Variants in NPAS3 observed in about 807,000 individuals in gnomAD.
NPAS3 encodes the protein neuronal PAS domain protein 3, also known as neuronal PAS domain-containing protein 3.
NPAS3 carries 14 observed loss-of-function variants against 73.1 expected under a neutral mutation model. That is an observed-to-expected ratio of 0.19 (90% CI 0.13 to 0.30). The LOEUF is 0.30. Ranked by LOEUF, NPAS3 falls within the 10% of genes least tolerant of loss-of-function variation. The probability of loss-of-function intolerance (pLI) is 1.00; values close to 1 mark genes in which losing one functional copy is unlikely to be tolerated. For missense variants in NPAS3, 1,096 were observed against 1,250.0 expected, an observed-to-expected ratio of 0.88 and a Z score of 1.86; for synonymous variants, 620 against 541.5, an observed-to-expected ratio of 1.14 and a Z score of -2.01.
chr14:33,007,370 C>A (rs1365395115), intron 1 of NPAS3, among the ~76,000 whole-genome samples: 1 of 152,172 alleles, frequency 6.6e-6, no homozygotes, highest in African/African-American at 2.4e-5. Flanking sequence ...GGAGGTACAT[C>A]ATTTTCTAAA....
intron 4 of NPAS3, among the ~76,000 whole-genome samples, 200 bp downstream of exon 4, chr14:33,367,468 G>C (rs1162489214): frequency 6.6e-6 from 1 of 152,114 alleles, no homozygotes; most frequent in Non-Finnish European, 1.5e-5. Flanking sequence ...ATGAGAAAGG[G>C]AGGGCAAGTA....
chr14:32,981,702 C>T (rs962155139), intron 1 of NPAS3, among the ~76,000 whole-genome samples: 5 of 152,118 alleles, frequency 3.3e-5, no homozygotes, highest in African/African-American at 9.7e-5. Context: ...AGATGTGTCT[C>T]GAGTTTTCTT....
At chr14:33,173,845 G>A (rs1479583889) in intron 2 of NPAS3, among the ~76,000 whole-genome samples, 1 of 152,106 alleles carries the variant, frequency 6.6e-6, no homozygotes, top group Non-Finnish European at 1.5e-5. Flanking sequence ...ATAATTAACA[G>A]GAAATGTTTC....
intron 2 of NPAS3, among the ~76,000 whole-genome samples, chr14:33,194,403 C>G (rs1172266636): frequency 6.6e-6 from 1 of 152,132 alleles, no homozygotes; most frequent in Admixed American, 6.5e-5. Context: ...CGAAATATTA[C>G]TCACTAACAA....
chr14:33,397,203 G>C (rs1188104602), intron 4 of NPAS3, among the ~76,000 whole-genome samples: 1 of 152,108 alleles, frequency 6.6e-6, no homozygotes, highest in Non-Finnish European at 1.5e-5. Context: ...TTGGTTCTCT[G>C]TCTCTTAACT....
intron 3 of NPAS3, among the ~76,000 whole-genome samples, chr14:33,232,669 C>T (rs1335868773): frequency 1.3e-5 from 2 of 152,138 alleles, no homozygotes; most frequent in Non-Finnish European, 2.9e-5. Context: ...CCTTAGCTTT[C>T]GTCTACTTCT....
At chr14:33,413,809 C>A (rs1220319707) in intron 4 of NPAS3, among the ~76,000 whole-genome samples, 1 of 152,128 alleles carries the variant, frequency 6.6e-6, no homozygotes, top group Non-Finnish European at 1.5e-5. Flanking sequence ...CTACCCTCAG[C>A]TACTTGATTG....
intron 4 of NPAS3, among the ~76,000 whole-genome samples, chr14:33,384,902 C>G (rs1263811782): frequency 6.6e-6 from 1 of 152,030 alleles, no homozygotes; most frequent in African/African-American, 2.4e-5. Context: ...CAGTTCTTTA[C>G]CAGGGAAGCC....
chr14:33,132,700 T>C (rs934025218), intron 2 of NPAS3, among the ~76,000 whole-genome samples: 6 of 152,222 alleles, frequency 3.9e-5, no homozygotes, highest in Middle Eastern at 3.4e-3. Context: ...AAATGTCTTG[T>C]GCCACAGAAA....
intron 4 of NPAS3, among the ~76,000 whole-genome samples, chr14:33,495,170 A>C (rs2052110482): frequency 6.6e-6 from 1 of 151,976 alleles, no homozygotes; most frequent in Non-Finnish European, 1.5e-5. Flanking sequence ...ATTCTGGTAC[A>C]TTGTGTCTTT....
intron 2 of NPAS3, among the ~76,000 whole-genome samples, chr14:33,095,772 C>T (rs1338436786): frequency 6.7e-6 from 1 of 150,300 alleles, no homozygotes; most frequent in Non-Finnish European, 1.5e-5. Context: ...GGGTTCACGC[C>T]ATTCTCCTGC....
intron 5 of NPAS3, among the ~76,000 whole-genome samples, chr14:33,657,757 C>G (rs1193357069): frequency 6.6e-6 from 1 of 151,122 alleles, no homozygotes; most frequent in Non-Finnish European, 1.5e-5. Context: ...TAAAATTGTT[C>G]AAATACACAG....
At chr14:33,223,802 C>T (rs1201705628) in intron 3 of NPAS3, among the ~76,000 whole-genome samples, 1 of 151,330 alleles carries the variant, frequency 6.6e-6, no homozygotes, top group African/African-American at 2.4e-5. Context: ...ATGGAGGTAC[C>T]ATATCTCCCT....
intron 2 of NPAS3, among the ~76,000 whole-genome samples, chr14:33,185,759 G>A (rs533844112): frequency 2.0e-5 from 3 of 152,218 alleles, no homozygotes; most frequent in South Asian, 2.1e-4. Context: ...AGAGCCACTC[G>A]GGAACTGAAG....
At chr14:33,540,558 A>T (rs1180368326) in intron 4 of NPAS3, among the ~76,000 whole-genome samples, 4 of 152,216 alleles carry the variant, frequency 2.6e-5, no homozygotes, top group African/African-American at 9.6e-5. Flanking sequence ...CTACAACAAG[A>T]CATACTTTTG....
intron 5 of NPAS3, among the ~76,000 whole-genome samples, chr14:33,594,297 T>G (rs1442347377): frequency 6.6e-6 from 1 of 152,200 alleles, no homozygotes; most frequent in Non-Finnish European, 1.5e-5. Flanking sequence ...GTTGTTGTAT[T>G]GCTATTTTAA....
At chr14:33,571,510 C>T (rs1000113693) in intron 5 of NPAS3, among the ~76,000 whole-genome samples, 2 of 152,090 alleles carry the variant, frequency 1.3e-5, no homozygotes, top group African/African-American at 4.8e-5. Context: ...AGCATATCTA[C>T]TGGGGTAAAG....
intron 1 of NPAS3, among the ~76,000 whole-genome samples, chr14:33,003,789 T>C (rs1434623336): frequency 6.6e-6 from 1 of 152,224 alleles, no homozygotes; most frequent in Non-Finnish European, 1.5e-5. Context: ...AATTCAAGAA[T>C]AGTGTGTGTG....
chr14:33,617,099 A>G (rs1002163886), intron 5 of NPAS3, among the ~76,000 whole-genome samples: 2 of 152,220 alleles, frequency 1.3e-5, no homozygotes, highest in Non-Finnish European at 2.9e-5. Context: ...AAGCTCAAAT[A>G]CTAGTCCAGG....
Sources: allele counts gnomAD v4.1 joint callset (sites outside exome capture counted in the v4.1 genomes callset), GRCh38; gene constraint gnomAD v4.1.1; transcripts MANE v1.5; gene names NCBI Gene and HGNC (gene_info 2026-07-23, HGNC 2026-07-21).